Variants in PTPN18 observed in about 807,000 individuals in gnomAD.
The protein encoded by PTPN18 is protein tyrosine phosphatase non-receptor type 18.
In PTPN18, 65 loss-of-function variants were observed where a neutral mutation model predicts 65.4. That is an observed-to-expected ratio of 0.99 (90% CI 0.81 to 1.22). The LOEUF (loss-of-function observed/expected upper bound fraction) is 1.22. PTPN18 is among the 50% of genes most tolerant of loss of function. The pLI, the probability that PTPN18 is intolerant of heterozygous loss-of-function variation, is 0.00. For missense variants in PTPN18, 616 were observed against 646.5 expected, an observed-to-expected ratio of 0.95 and a Z score of 0.51; for synonymous variants, 255 against 267.8, an observed-to-expected ratio of 0.95 and a Z score of 0.47.
rs1680578301 is a variant in PTPN18, at chr2:130,371,980, T to C, written c.1014-277T>C. 1.2e-5 allele frequency: 5 copies of C among 425,092 alleles called. No individual in the cohort carries two copies. In the South Asian group the frequency reaches 1.9e-4, roughly 16 times the overall value. The allele number at this position is 425,092 out of a possible 1,614,324, so 26.3% of individuals were successfully genotyped here. A position where few individuals can be genotyped will look rare whatever the true frequency, so the allele number is the denominator to read the frequency against. ...TGTCTTCTATGCCACTTCCGCATTC[T>C]TTTGTTCAGTAGACGTTGACACAGA... On this transcript the variant is annotated intron_variant, in intron 12 of 14. Transcript: ENST00000175756.
intron 5 of PTPN18, among the ~76,000 whole-genome samples, chr2:130,367,620 G>T (rs1360905286): frequency 6.6e-6 from 1 of 152,172 alleles, no homozygotes; most frequent in Non-Finnish European, 1.5e-5. Flanking sequence ...GTTGCAGTGA[G>T]CCGAGATTGA....
chr2:130,369,771 G>C lies in PTPN18; in HGVS notation c.490G>C (p.Glu164Gln), dbSNP rs751420086. 2 of 1,595,998 alleles carry C rather than the reference G, an allele frequency of 1.3e-6. No individual in the cohort carries two copies. The highest frequency in any genetic ancestry group is 1.7e-5 in the Admixed American group (1 of 59,948). The change falls in exon 7 of 15, where the codon GAG (glutamate) becomes CAG (glutamine). Residue 164 changes from glutamate (E) to glutamine (Q), a missense_variant. This residue lies in a region of PTPN18 where 25 missense variants were observed against 49.8 expected (regional missense o/e 0.50). Transcript: ENST00000175756. ...TGLFCITLIKEKWLNEDIMLR... is the reference protein window; with the variant it reads ...TGLFCITLIKQKWLNEDIMLR... ...CCCCACCCCCCTTACTCAGATAAAG[G>C]AGAAGTGGCTGAATGAGGACATCAT...
intron 11 of PTPN18, 30 bp from the exon 12 acceptor site, chr2:130,371,169 T>C: frequency 1.9e-6 from 3 of 1,549,706 alleles, no homozygotes; most frequent in South Asian, 1.1e-5. Context: ...GCTTCCTCCC[T>C]CAGGAGCCTC....
Position 130,369,794 on chromosome 2 carries a change from C to G in PTPN18, c.513C>G (p.Ile171Met), listed in dbSNP as rs756271264. 1 of 1,605,460 alleles carries G rather than the reference C, an allele frequency of 6.2e-7. No individual in the cohort carries two copies. The highest frequency in any genetic ancestry group is 8.5e-7 in the Non-Finnish European group (1 of 1,172,504). ...LIKEKWLNED[I>M]MLRTLKVTFQ... ...AGGAGAAGTGGCTGAATGAGGACAT[C>G]ATGCTCAGGACCCTCAAGGTCACAT... Residue 171 changes from isoleucine (I) to methionine (M), a missense_variant, in exon 7 of 15, where the codon ATC becomes ATG. By Grantham distance (10) the Ile-to-Met change is conservative. Coordinates refer to ENST00000175756, the MANE Select transcript of PTPN18 (RefSeq NM_014369.4).
chr2:130,359,059 C>T, intron 2 of PTPN18, 84 bp downstream of exon 2: 8 of 1,490,154 alleles, frequency 5.4e-6, no homozygotes, highest in Non-Finnish European at 7.4e-6. Context: ...GAGTCACCCA[C>T]TGTGCTCTCC....
At position 130,361,031 on chromosome 2, in the gene PTPN18, A is replaced by G. The variant is rs578219719; in HGVS notation, c.414+1385A>G. Among the ~76,000 whole-genome samples, 255 of 152,310 alleles carry G rather than the reference A, an allele frequency of 1.7e-3. 2 individuals carry two copies. The highest frequency in any genetic ancestry group is 6.8e-3 in the Middle Eastern group (2 of 294). On this transcript the variant is annotated intron_variant, in intron 5 of 14. Coordinates refer to ENST00000175756, the MANE Select transcript of PTPN18 (RefSeq NM_014369.4). ...TCTACTTTAATTTCAAGTGTACTTG[A>G]AAACAATGTGTATTCTGCTTTGGTT... is the stretch of plus-strand genomic sequence containing the variant.
In PTPN18 at chr2:130,372,947, G is replaced by A; in HGVS notation, c.1315G>A (p.Gly439Ser). ...GGGTGGAGCTCAGACCGGTGGGCTA[G>A]GTAAGTCAGGTAGAGCCTGGGTTGC... ...VAGGAQTGGL[G>S]FNLRIGRPKG... Residue 439 changes from glycine (G) to serine (S), a missense_variant and splice_region_variant, in exon 14 of 15, where the codon GGT becomes AGT. By Grantham distance (56) the Gly-to-Ser change is moderately conservative. Transcript: ENST00000175756. 6.2e-7 allele frequency: 1 copy of A among 1,614,124 alleles called. No individual in the cohort carries two copies.
Position 130,356,073 on chromosome 2 carries a change from G to A in PTPN18, c.-35G>A, listed in dbSNP as rs937389027. On this transcript the variant is annotated 5_prime_UTR_variant, in exon 1 of 15. Coordinates refer to ENST00000175756, the MANE Select transcript of PTPN18 (RefSeq NM_014369.4). ...CGGCGTCCACACTCGCCGCGCGCGC[G>A]GCGGCCGGGCTGGACCTTGCTGGCC... 4 of 1,213,446 alleles carry A rather than the reference G, an allele frequency of 3.3e-6. No individual in the cohort carries two copies. The African/African-American group carries it at 4.7e-5, about 14-fold the overall frequency. The allele number at this position is 1,213,446 out of a possible 1,614,324, so 75.2% of individuals were successfully genotyped here.
At chr2:130,371,652 T>C (rs954148352) in intron 12 of PTPN18, among the ~76,000 whole-genome samples, 1 of 152,024 alleles carries the variant, frequency 6.6e-6, no homozygotes, top group Non-Finnish European at 1.5e-5. Context: ...CTGTCTCTAC[T>C]AAAAATACAA....
chr2:130,359,338 G>T (rs1272828897), intron 3 of PTPN18, 29 bp downstream of exon 3: 1 of 1,614,120 alleles, frequency 6.2e-7, no homozygotes, highest in East Asian at 2.2e-5. Flanking sequence ...GAAGGAGGTG[G>T]ACTGGGAGTG....
chr2:130,369,483 C>G (rs1680483109), intron 6 of PTPN18, among the ~76,000 whole-genome samples: 1 of 152,198 alleles, frequency 6.6e-6, no homozygotes, highest in Non-Finnish European at 1.5e-5. Flanking sequence ...GTCATACATA[C>G]AGTTAGTACT....
At position 130,372,612 on chromosome 2, in the gene PTPN18, C is replaced by T. The variant is rs1004613795; in HGVS notation, c.1240+129C>T. ...AGCCGCTAGCCTGGCCACGCCCCGA[C>T]GCTGATGTCCAGGCGTCCCTGGCCA... On this transcript the variant is annotated intron_variant, in intron 13 of 14. Coordinates refer to ENST00000175756, the MANE Select transcript of PTPN18 (RefSeq NM_014369.4). 1.2e-5 allele frequency: 15 copies of T among 1,212,066 alleles called. No individual in the cohort carries two copies. In the African/African-American group the frequency reaches 1.9e-4, roughly 15 times the overall value. 75.1% of individuals were successfully genotyped at this position (1,212,066 alleles called of 1,614,324 possible). A position where few individuals can be genotyped will look rare whatever the true frequency, so the allele number is the denominator to read the frequency against.
rs1192249170 is a variant in PTPN18 at position 130,372,112 on chromosome 2, G to T, written c.1014-145G>T. On this transcript the variant is annotated intron_variant, in intron 12 of 14. Transcript: ENST00000175756. The stretch of plus-strand genomic sequence containing the variant: ...AGGGCGCTAGGGACACAGAAGCGAG[G>T]CCTCCAACCCAAGGAGCCCTCCCTC... 3 of 697,728 alleles carry T rather than the reference G, an allele frequency of 4.3e-6. No homozygotes were observed. The Admixed American group carries it at 9.5e-5, about 22-fold the overall frequency. 43.2% of individuals were successfully genotyped at this position (697,728 alleles called of 1,614,324 possible).
At position 130,359,604 on chromosome 2, in the gene PTPN18, C is replaced by A; in HGVS notation, c.376-4C>A. ...CTTCCTCTCCCCTGACCCTCCTTGT[C>A]TAGGTGATCCTGATGGCCTGTCGAG... On this transcript the variant is annotated splice_polypyrimidine_tract_variant and splice_region_variant and intron_variant, in intron 4 of 14. Transcript: ENST00000175756. 1 of 1,614,106 alleles carries A rather than the reference C, an allele frequency of 6.2e-7. No homozygotes were observed. The highest frequency in any genetic ancestry group is 8.5e-7 in the Non-Finnish European group (1 of 1,180,002).
rs200864796 is a variant in PTPN18 at position 130,361,516 on chromosome 2, T to TTC, written c.414+1872_414+1873dup. Among the ~76,000 whole-genome samples the TTC allele has an allele frequency of 9.1e-3, 169 of 18,618 alleles. 4 individuals carry two copies. Among genetic ancestry groups the TTC allele is most frequent in the East Asian group, 0.032 (43 of 1,324 alleles). The allele number at this position is 18,618 out of a possible 152,430, so 12.2% of individuals were successfully genotyped here. On this transcript the variant is annotated intron_variant, in intron 5 of 14. Transcript: ENST00000175756. ...TTAAATTTCTTTCTTTTCTTTCTCT[T>TTC]TCTTTCTTTCTTTCTTTCTTTCTTT...
At chr2:130,366,879 C>A (rs1273666023) in intron 5 of PTPN18, among the ~76,000 whole-genome samples, 1 of 151,902 alleles carries the variant, frequency 6.6e-6, no homozygotes, top group Non-Finnish European at 1.5e-5. Flanking sequence ...GGCTGGAGTG[C>A]AGTGTGCAGT....
At chr2:130,364,164 A>C (rs1050026448) in intron 5 of PTPN18, among the ~76,000 whole-genome samples, 5 of 152,136 alleles carry the variant, frequency 3.3e-5, no homozygotes, top group African/African-American at 1.2e-4. Flanking sequence ...CCTACTGTCT[A>C]TTTTCAGAAC....
In PTPN18 at chr2:130,372,443, G is replaced by T. The variant is rs1465768539; in HGVS notation, c.1200G>T (p.Gly400=). Residue 400 remains glycine (G), a synonymous_variant, in exon 13 of 15, where the codon GGG becomes GGT. Coordinates refer to ENST00000175756, the MANE Select transcript of PTPN18 (RefSeq NM_014369.4). ...SKVTPRAQRP[G]AHAEDARGTL... ...TGACGCCGCGCGCCCAGCGACCCGG[G>T]GCGCACGCGGAGGACGCGAGGGGGA... 1.5e-6 allele frequency: 2 copies of T among 1,369,238 alleles called. No homozygotes were observed. The highest frequency in any genetic ancestry group is 3.1e-5 in the African/African-American group (2 of 65,146). 84.8% of individuals were successfully genotyped at this position (1,369,238 alleles called of 1,614,324 possible). A position where few individuals can be genotyped will look rare whatever the true frequency, so the allele number is the denominator to read the frequency against.
At chr2:130,372,585 C>T in intron 13 of PTPN18, 102 bp downstream of exon 13, 3 of 1,334,814 alleles carry the variant, frequency 2.2e-6, no homozygotes, top group Admixed American at 2.9e-5. Context: ...CGCGGGGACC[C>T]CAGCCGCTAG....
Sources: gnomAD v4.1 joint callset for allele counts (sites outside exome capture counted in the v4.1 genomes callset) on GRCh38, gnomAD v4.1.1 for gene constraint, gnomAD v4.1.1 regional missense constraint, MANE v1.5 for transcripts, NCBI Gene and HGNC (gene_info 2026-07-23, HGNC 2026-07-21) for gene names.